The following ZNF441 variants were observed in gnomAD, a reference collection of about 807,000 sequenced individuals.
ZNF441 encodes zinc finger protein 441.
Under a neutral mutation model 64.5 loss-of-function variants are expected in ZNF441, and 25 were observed. That is an observed-to-expected ratio of 0.39 (90% CI 0.28 to 0.54). ZNF441 has a LOEUF of 0.54. Ranked by LOEUF, ZNF441 falls within the 20% of genes least tolerant of loss-of-function variation. The pLI is 0.70. For missense variants in ZNF441, 715 were observed against 843.3 expected (o/e 0.85, Z 1.88); for synonymous variants, 262 against 268.0 (o/e 0.98, Z 0.22).
In ZNF441 at chr19:11,775,364, C is replaced by T. The variant is rs60760138; in HGVS notation, c.4-2247C>T. Among the ~76,000 whole-genome samples, 346 of 152,258 alleles carry T rather than the reference C, an allele frequency of 2.3e-3. 5 individuals carry two copies. The East Asian group carries it at 0.041, about 18-fold the overall frequency. On this transcript the variant is annotated intron_variant, in intron 1 of 3. Coordinates refer to ENST00000357901, the MANE Select transcript of ZNF441 (RefSeq NM_152355.3). ...CTTTTTTTTGAGATGGAGTCTCGCGCTGTCGCCCAGGCTGGGGTGCAGTGG... is the reference window on the plus strand; with the variant it reads ...CTTTTTTTTGAGATGGAGTCTCGCGTTGTCGCCCAGGCTGGGGTGCAGTGG...
intron 1 of ZNF441, among the ~76,000 whole-genome samples, chr19:11,773,918 A>G (rs1434161203): frequency 1.3e-5 from 2 of 152,114 alleles, no homozygotes; most frequent in Non-Finnish European, 2.9e-5. Context: ...TACACATTCT[A>G]TGTCATAACT....
chr19:11,772,129 G>A (rs1975318845), intron 1 of ZNF441, among the ~76,000 whole-genome samples: 1 of 152,162 alleles, frequency 6.6e-6, no homozygotes, highest in African/African-American at 2.4e-5. Context: ...GGCAGGGAAG[G>A]GCCCCCGTCC....
In ZNF441 at chr19:11,780,624, C is replaced by G. The variant is rs200695427; in HGVS notation, c.800C>G (p.Thr267Ser). 30 of 1,613,828 alleles carry G rather than the reference C, an allele frequency of 1.9e-5. No homozygotes were observed. Among genetic ancestry groups the G allele is most frequent in the Non-Finnish European group, 2.5e-5 (29 of 1,179,982 alleles). Residue 267 changes from threonine to serine, a missense_variant, in exon 4 of 4, where the codon ACT becomes AGT. Coordinates refer to ENST00000357901, the MANE Select transcript of ZNF441 (RefSeq NM_152355.3). Reference sequence around the variant, plus strand: ...AAAGCCTTCAGTTGTTCCTGTTACACTCAACTATATGAAAGGACTCACACT... The same window carrying G: ...AAAGCCTTCAGTTGTTCCTGTTACAGTCAACTATATGAAAGGACTCACACT... ...CGKAFSCSCY[T>S]QLYERTHTGE...
Position 11,778,235 on chromosome 19 carries a change from T to C in ZNF441, c.131-95T>C, listed in dbSNP as rs926276435. 5.9e-6 allele frequency: 5 copies of C among 845,494 alleles called. No individual in the cohort carries two copies. In the African/African-American group the frequency reaches 8.7e-5, roughly 15 times the overall value. The allele number at this position is 845,494 out of a possible 1,614,324, so 52.4% of individuals were successfully genotyped here. ...TTGAAGACTCAGCTGTAGTTTGGTGTGTGAATCATGCATGATTGTAGTGTA... is the reference window on the plus strand; with the variant it reads ...TTGAAGACTCAGCTGTAGTTTGGTGCGTGAATCATGCATGATTGTAGTGTA... On this transcript the variant is annotated intron_variant, in intron 2 of 3. Coordinates refer to ENST00000357901, the MANE Select transcript of ZNF441 (RefSeq NM_152355.3).
In ZNF441 at chr19:11,781,858, A is replaced by C; in HGVS notation, c.2034A>C (p.Glu678Asp). Reference protein sequence around the residue: ...EKPYKCKECGEAFHCISSFHK... With the variant: ...EKPYKCKECGDAFHCISSFHK... ...CCTATAAGTGTAAAGAATGTGGGGA[A>C]GCATTTCATTGTATCAGTTCCTTTC... The change falls in exon 4 of 4, where the codon GAA (glutamate) becomes GAC (aspartate). Residue 678 changes from glutamate to aspartate, a missense_variant. By Grantham distance (45) the Glu-to-Asp change is conservative. Coordinates refer to ENST00000357901, the MANE Select transcript of ZNF441 (RefSeq NM_152355.3). The C allele has an allele frequency of 6.2e-7, 1 of 1,608,110 alleles. No homozygotes were observed. The highest frequency in any genetic ancestry group is 8.5e-7 in the Non-Finnish European group (1 of 1,176,152).
In ZNF441 at chr19:11,767,167, A is replaced by T; in HGVS notation, c.-27A>T. On this transcript the variant is annotated 5_prime_UTR_variant, in exon 1 of 4. Coordinates refer to ENST00000357901, the MANE Select transcript of ZNF441 (RefSeq NM_152355.3). This position sits in a 1 kb window ranked among gnomAD's most constrained non-coding sequence, Gnocchi z 5.1. ...CGCACTGACAGCGGGAGGCAGAGGG[A>T]GGAACCTGGACGCCGGAAGCCGGGA... The T allele has an allele frequency of 6.4e-7, 1 of 1,556,908 alleles. No homozygotes were observed. Among genetic ancestry groups the T allele is most frequent in the Non-Finnish European group, 8.7e-7 (1 of 1,150,190 alleles).
chr19:11,768,588 C>T (rs889490749), intron 1 of ZNF441, among the ~76,000 whole-genome samples: 3 of 152,218 alleles, frequency 2.0e-5, no homozygotes, highest in Admixed American at 2.0e-4. Context: ...AAGATGCCCA[C>T]AGCTGCCAAG....
At chr19:11,778,859 T>C (rs965704261) in intron 3 of ZNF441, among the ~76,000 whole-genome samples, 2 of 152,224 alleles carry the variant, frequency 1.3e-5, no homozygotes, top group Non-Finnish European at 2.9e-5. Context: ...GTGACATGGC[T>C]ATGGCTATTC....
Position 11,781,978 on chromosome 19 carries a change from GACTC to G in ZNF441, c.*75_*78del, listed in dbSNP as rs1323565243. 4.0e-6 allele frequency: 5 copies of G among 1,252,376 alleles called. No individual in the cohort carries two copies. The African/African-American group carries it at 7.5e-5, about 19-fold the overall frequency. The allele number at this position is 1,252,376 out of a possible 1,614,324, so 77.6% of individuals were successfully genotyped here. A position where few individuals can be genotyped will look rare whatever the true frequency, so the allele number is the denominator to read the frequency against. ...TTCAGCTTCTTACAAATACATAAGA[GACTC>G]ACACTGAAAAAAGTTGTATGAATAT... is the stretch of plus-strand genomic sequence containing the variant. On this transcript the variant is annotated 3_prime_UTR_variant, in exon 4 of 4. Transcript: ENST00000357901.
chr19:11,778,443 A>G, intron 3 of ZNF441, 50 bp downstream of exon 3: 1 of 1,344,144 alleles, frequency 7.4e-7, no homozygotes, highest in Non-Finnish European at 1.0e-6. Flanking sequence ...GATTCATAGT[A>G]TGCCAGAAAT....
chr19:11,768,509 G>A (rs1042112152), intron 1 of ZNF441, among the ~76,000 whole-genome samples: 1 of 152,234 alleles, frequency 6.6e-6, no homozygotes, highest in Non-Finnish European at 1.5e-5. Flanking sequence ...ACGTTACAGA[G>A]TGATGAGTCC....
chr19:11,769,799 C>A (rs1975298844), intron 1 of ZNF441, among the ~76,000 whole-genome samples: 2 of 152,192 alleles, frequency 1.3e-5, no homozygotes, highest in South Asian at 4.2e-4. Context: ...CCTCAGCTTC[C>A]CAAGTAGCTG....
intron 1 of ZNF441, among the ~76,000 whole-genome samples, chr19:11,768,019 G>A (rs1005275969): frequency 6.6e-6 from 1 of 152,230 alleles, no homozygotes; most frequent in Admixed American, 6.5e-5. Context: ...TGGGGTTTGT[G>A]TGTGGGAGGA....
At chr19:11,770,226 A>G (rs557264907) in intron 1 of ZNF441, among the ~76,000 whole-genome samples, 3 of 152,264 alleles carry the variant, frequency 2.0e-5, no homozygotes, top group Non-Finnish European at 4.4e-5. Context: ...GCAAGACAGC[A>G]TGTGAAAGAG....
In ZNF441 at chr19:11,781,985, A is replaced by G; in HGVS notation, c.*79A>G. ...TCTTACAAATACATAAGAGACTCAC[A>G]CTGAAAAAAGTTGTATGAATATAAA... On this transcript the variant is annotated 3_prime_UTR_variant, in exon 4 of 4. Coordinates refer to ENST00000357901, the MANE Select transcript of ZNF441 (RefSeq NM_152355.3). 3.2e-6 allele frequency: 4 copies of G among 1,233,026 alleles called. No individual in the cohort carries two copies. The South Asian group carries it at 8.2e-5, about 25-fold the overall frequency. 76.4% of individuals were successfully genotyped at this position (1,233,026 alleles called of 1,614,324 possible). A position where few individuals can be genotyped will look rare whatever the true frequency, so the allele number is the denominator to read the frequency against.
intron 1 of ZNF441, among the ~76,000 whole-genome samples, chr19:11,772,260 G>T (rs1295435586): frequency 1.3e-5 from 2 of 152,144 alleles, no homozygotes; most frequent in Non-Finnish European, 2.9e-5. Context: ...GCCACTACTG[G>T]TCTCCGCACA....
chr19:11,776,386 A>G (rs775022119), intron 1 of ZNF441, among the ~76,000 whole-genome samples: 11 of 152,196 alleles, frequency 7.2e-5, no homozygotes, highest in Admixed American at 3.3e-4. Context: ...TAATATATTC[A>G]CCATACTTTA....
intron 1 of ZNF441, among the ~76,000 whole-genome samples, chr19:11,773,791 T>C (rs796350260): frequency 2.6e-5 from 4 of 152,298 alleles, no homozygotes; most frequent in African/African-American, 9.6e-5. Flanking sequence ...AGGGCTAGAA[T>C]TGCATATATT....
chr19:11,776,273 T>C (rs183292245), intron 1 of ZNF441, among the ~76,000 whole-genome samples: 234 of 152,316 alleles, frequency 1.5e-3, no homozygotes, highest in Non-Finnish European at 2.7e-3. Flanking sequence ...TGAGGAGGGA[T>C]TGGGACAAGG....
Sources: gnomAD v4.1 joint callset for allele counts (sites outside exome capture counted in the v4.1 genomes callset) on GRCh38, gnomAD v4.1.1 for gene constraint, Gnocchi (gnomAD v3.1) non-coding constraint, MANE v1.5 for transcripts, NCBI Gene and HGNC (gene_info 2026-07-23, HGNC 2026-07-21) for gene names.